The following GRIP1 variants were observed in gnomAD, a reference collection of about 807,000 sequenced individuals.
GRIP1 encodes glutamate receptor-interacting protein 1.
Under a neutral mutation model 129.9 loss-of-function variants are expected in GRIP1, and 45 were observed. The observed-to-expected ratio is 0.35, with a 90% CI of 0.27 to 0.44. GRIP1 has a LOEUF of 0.44. Among genes scored for constraint, GRIP1 ranks in the 20% least tolerant of loss-of-function variants. GRIP1 has a pLI of 1.00. For missense variants in GRIP1, 1,196 were observed against 1,396.8 expected, an observed-to-expected ratio of 0.86 and a Z score of 2.29; for synonymous variants, 530 against 520.8, an observed-to-expected ratio of 1.02 and a Z score of -0.24.
chr12:66,851,697 A>T (rs1431584829), intron 1 of GRIP1, among the ~76,000 whole-genome samples: 2 of 152,064 alleles, frequency 1.3e-5, no homozygotes, highest in Admixed American at 1.3e-4. Flanking sequence ...AAATCCCACA[A>T]TTCCATCTTC....
At chr12:66,533,861 ACT>A (rs755956634) in intron 4 of GRIP1, among the ~76,000 whole-genome samples, 25,371 of 141,690 alleles carry the variant, frequency 0.18, 2,208 homozygotes, top group African/African-American at 0.25. Flanking sequence ...ACACACACAC[ACT>A]CACACACACA....
intron 7 of GRIP1, among the ~76,000 whole-genome samples, chr12:66,504,086 G>A (rs1227717663): frequency 2.6e-5 from 4 of 152,142 alleles, no homozygotes; most frequent in Admixed American, 6.5e-5. Flanking sequence ...ACAAACTGGT[G>A]AGAACATCCC....
chr12:66,429,916 CAG>C (rs2058097235), intron 14 of GRIP1, among the ~76,000 whole-genome samples: 1 of 152,158 alleles, frequency 6.6e-6, no homozygotes, highest in East Asian at 1.9e-4. Flanking sequence ...TTGAGGGAAT[CAG>C]GGCATGAGAC....
intron 1 of GRIP1, among the ~76,000 whole-genome samples, chr12:66,968,744 G>C (rs1443350034): frequency 1.3e-5 from 2 of 151,656 alleles, no homozygotes; most frequent in Non-Finnish European, 2.9e-5. Context: ...TTTAAACAAA[G>C]TTTTCTTTTA....
chr12:66,558,312 GC>G (rs1268572633), intron 2 of GRIP1, among the ~76,000 whole-genome samples: 1 of 152,116 alleles, frequency 6.6e-6, no homozygotes. Flanking sequence ...ATGGTGGCAG[GC>G]AAGGGCGAAT....
At chr12:66,705,631 C>A (rs533659355) in intron 1 of GRIP1, among the ~76,000 whole-genome samples, 2 of 152,210 alleles carry the variant, frequency 1.3e-5, no homozygotes, top group East Asian at 3.9e-4. Flanking sequence ...AAGCTGGAGG[C>A]ATCATGCTAC....
chr12:66,466,909 C>G (rs1385282235), intron 7 of GRIP1, among the ~76,000 whole-genome samples: 5 of 152,150 alleles, frequency 3.3e-5, no homozygotes, highest in African/African-American at 1.2e-4. Flanking sequence ...AATCTGTATT[C>G]CCATTGCTGA....
At chr12:66,931,825 C>G (rs1400425474) in intron 1 of GRIP1, among the ~76,000 whole-genome samples, 1 of 152,126 alleles carries the variant, frequency 6.6e-6, no homozygotes, top group Non-Finnish European at 1.5e-5. Context: ...TGCTGAATCA[C>G]TGTGAAATTT....
Position 66,349,233 on chromosome 12 carries a change from C to A in GRIP1, c.3173G>T (p.Arg1058Leu). 1 of 1,613,448 alleles carries A rather than the reference C, an allele frequency of 6.2e-7. No homozygotes were observed. The highest frequency in any genetic ancestry group is 8.5e-7 in the Non-Finnish European group (1 of 1,179,392). ...AAGGCAGCAGTCAAAGTCTCTGGTT[C>A]GGACATGATTCACCTGAAAGGTCAA... ...YDRLLQVNHV[R>L]TRDFDCCLVV... Residue 1058 changes from arginine (R) to leucine (L), a missense_variant, in exon 25 of 25, where the codon CGA becomes CTA. By Grantham distance (102) the Arg-to-Leu change is moderately radical. Coordinates refer to ENST00000359742, the MANE Select transcript of GRIP1 (RefSeq NM_001366722.1).
chr12:66,891,663 GA>G (rs2040660979), intron 1 of GRIP1, among the ~76,000 whole-genome samples: 1 of 152,156 alleles, frequency 6.6e-6, no homozygotes, highest in African/African-American at 2.4e-5. Flanking sequence ...AGACGACAAG[GA>G]TAAAAACCAT....
intron 1 of GRIP1, among the ~76,000 whole-genome samples, chr12:66,961,218 G>A (rs994651458): frequency 1.3e-5 from 2 of 148,422 alleles, no homozygotes; most frequent in Non-Finnish European, 2.9e-5. Context: ...GAGCAGAGAC[G>A]GAGGAGGAGC....
At chr12:66,574,285 A>T (rs1011479878) in intron 2 of GRIP1, among the ~76,000 whole-genome samples, 5 of 152,258 alleles carry the variant, frequency 3.3e-5, no homozygotes, top group Non-Finnish European at 7.3e-5. Context: ...TTATCCAGGT[A>T]ATAAACAAAT....
intron 19 of GRIP1, among the ~76,000 whole-genome samples, chr12:66,386,714 A>G (rs2056375911): frequency 6.6e-6 from 1 of 152,358 alleles, no homozygotes; most frequent in South Asian, 2.1e-4. Flanking sequence ...CATTACTTTC[A>G]TTCTTGGAAA....
chr12:66,670,902 C>T (rs2034048790), intron 1 of GRIP1, among the ~76,000 whole-genome samples: 1 of 152,106 alleles, frequency 6.6e-6, no homozygotes, highest in Admixed American at 6.5e-5. Flanking sequence ...CTCAGCTTCT[C>T]CCTTCTAGCA....
chr12:66,959,711 T>C (rs1264861080), intron 1 of GRIP1, among the ~76,000 whole-genome samples: 2 of 152,180 alleles, frequency 1.3e-5, no homozygotes, highest in African/African-American at 4.8e-5. Context: ...CTCTTTCCAC[T>C]TTCTTATTTC....
intron 1 of GRIP1, among the ~76,000 whole-genome samples, chr12:66,715,472 G>GTGTGTGTGTGTGTGTGTGTGTGTGAGAC (rs2035855651): frequency 3.0e-5 from 2 of 66,484 alleles, no homozygotes; most frequent in Non-Finnish European, 7.6e-5. Context: ...GTGTGTGTGT[G>GTGTGTGTGTGTGTGTGTGTGTGTGAGAC]AGAGAGAGAG....
At chr12:66,963,073 G>A (rs2041945485) in intron 1 of GRIP1, among the ~76,000 whole-genome samples, 1 of 152,086 alleles carries the variant, frequency 6.6e-6, no homozygotes, top group Non-Finnish European at 1.5e-5. Context: ...CACTTTGGGA[G>A]GCCAAGGTGG....
At chr12:66,849,849 C>T (rs970447131) in intron 1 of GRIP1, among the ~76,000 whole-genome samples, 1 of 152,166 alleles carries the variant, frequency 6.6e-6, no homozygotes, top group Non-Finnish European at 1.5e-5. Flanking sequence ...GGACCAGCTA[C>T]CTTTTGGCTG....
At chr12:66,722,554 T>C (rs1464048112) in intron 1 of GRIP1, among the ~76,000 whole-genome samples, 2 of 152,156 alleles carry the variant, frequency 1.3e-5, no homozygotes, top group Non-Finnish European at 2.9e-5. Flanking sequence ...ATTGCCAAAA[T>C]GTGACAGAGA....
Sources: gnomAD v4.1 joint callset for allele counts (sites outside exome capture counted in the v4.1 genomes callset) on GRCh38, gnomAD v4.1.1 for gene constraint, MANE v1.5 for transcripts, NCBI Gene and HGNC (gene_info 2026-07-23, HGNC 2026-07-21) for gene names.